The following FNDC1 variants were observed in gnomAD, a reference collection of about 807,000 sequenced individuals.
FNDC1 encodes fibronectin type III domain containing 1.
Under a neutral mutation model 168.0 loss-of-function variants are expected in FNDC1, and 96 were observed. The observed-to-expected ratio is 0.57, with a 90% CI of 0.48 to 0.68. The LOEUF (loss-of-function observed/expected upper bound fraction) is 0.68. Ranked by LOEUF, FNDC1 falls within the 30% of genes least tolerant of loss-of-function variation. The pLI, the probability that FNDC1 is intolerant of heterozygous loss-of-function variation, is 0.00. For missense variants in FNDC1, 2,587 were observed against 2,482.1 expected (o/e 1.04, Z -0.90); for synonymous variants, 1,099 against 1,025.9 (o/e 1.07, Z -1.36).
At chr6:159,205,482 A>T (rs776131529) in intron 4 of FNDC1, among the ~76,000 whole-genome samples, 2 of 152,130 alleles carry the variant, frequency 1.3e-5, no homozygotes, top group Non-Finnish European at 2.9e-5. Context: ...TAATCCACCA[A>T]ACCATAATCT....
chr6:159,238,444 C>A, intron 12 of FNDC1, 110 bp from the exon 13 acceptor site: 1 of 683,634 alleles, frequency 1.5e-6, no homozygotes, highest in Non-Finnish European at 2.4e-6. Flanking sequence ...CTTCTACTCA[C>A]ATTACGGTTT....
At chr6:159,188,475 T>G (rs1287898141) in intron 1 of FNDC1, among the ~76,000 whole-genome samples, 4 of 148,760 alleles carry the variant, frequency 2.7e-5, no homozygotes, top group African/African-American at 9.8e-5. Flanking sequence ...CCCGGGTTCA[T>G]GCCATTCTCC....
chr6:159,238,233 G>A (rs915744370), intron 12 of FNDC1, among the ~76,000 whole-genome samples: 2 of 151,894 alleles, frequency 1.3e-5, no homozygotes, highest in Non-Finnish European at 2.9e-5. Context: ...GAGTAGCTGG[G>A]ACTACAAGCG....
rs74915471 is a variant in FNDC1 at position 159,192,026 on chromosome 6, T to C, written c.110-5405T>C. On this transcript the variant is annotated intron_variant, in intron 1 of 22. Transcript: ENST00000297267. ...CTGGGACTACAGGTGCACGACACCA[T>C]GTCTAGCTAATTTTTTTGTATTGTT... Among the ~76,000 whole-genome samples the C allele has an allele frequency of 7.8e-3, 1,189 of 152,236 alleles. 14 individuals carry two copies. Among genetic ancestry groups the C allele is most frequent in the African/African-American group, 0.027 (1,124 of 41,512 alleles).
chr6:159,271,373 C>T lies in FNDC1; in HGVS notation c.5616C>T (p.Ile1872=), dbSNP rs3814448. The T allele has an allele frequency of 0.058, 93,113 of 1,611,850 alleles. 5,365 individuals carry two copies. The highest frequency in any genetic ancestry group is 0.32 in the East Asian group (14,392 of 44,740). The change falls in exon 23 of 23, where the codon ATC becomes ATT. Residue 1872 remains isoleucine (I), a synonymous_variant. Transcript: ENST00000297267. ...AGGAGCCTGTCAGGTTTGGGAACAT[C>T]GGCTTCGGAACCCCCTACTACTATG... ...YRQEPVRFGN[I]GFGTPYYYVG...
At chr6:159,267,769 A>G (rs1387731111) in intron 21 of FNDC1, 35 bp from the exon 22 acceptor site, 7 of 1,611,756 alleles carry the variant, frequency 4.3e-6, no homozygotes, top group Non-Finnish European at 5.9e-6. Flanking sequence ...GACTTTCTGT[A>G]CCTAGTCATG....
At chr6:159,240,720 T>C (rs1783399989) in intron 14 of FNDC1, 3 of 152,210 alleles carry the variant, frequency 2.0e-5, no homozygotes, top group Admixed American at 2.0e-4. Context: ...ATCCAGGTCA[T>C]CGTGGAGCCC....
intron 17 of FNDC1, among the ~76,000 whole-genome samples, chr6:159,252,378 GCTTGT>G (rs1245606217): frequency 6.6e-6 from 1 of 152,152 alleles, no homozygotes; most frequent in African/African-American, 2.4e-5. Context: ...AATTTCTAGT[GCTTGT>G]CTTGGTGTTC....
At chr6:159,215,188 G>A in intron 5 of FNDC1, 37 bp downstream of exon 5, 3 of 1,566,248 alleles carry the variant, frequency 1.9e-6, no homozygotes, top group Middle Eastern at 1.7e-4. Context: ...ATGTTTCCAT[G>A]GTCTTTGGGA....
Position 159,251,396 on chromosome 6 carries a change from C to G in FNDC1, c.4929C>G (p.Ile1643Met). The change falls in exon 17 of 23, where the codon ATC (isoleucine) becomes ATG (methionine). Residue 1643 changes from isoleucine (I) to methionine (M), a missense_variant. Transcript: ENST00000297267. ...TCCAAGTGGACAGCCTGGATGAAAT[C>G]ATCCCCAATGACCTGAAGAAGAGTG... ...DHFQVDSLDE[I>M]IPNDLKKSDL... is the part of the protein sequence containing the mutation. 6.2e-7 allele frequency: 1 copy of G among 1,613,966 alleles called. No homozygotes were observed. The highest frequency in any genetic ancestry group is 8.5e-7 in the Non-Finnish European group (1 of 1,179,876).
At chr6:159,269,510 C>A (rs60959959) in intron 22 of FNDC1, among the ~76,000 whole-genome samples, 1 of 125,000 alleles carries the variant, frequency 8.0e-6, no homozygotes, top group African/African-American at 3.2e-5. Flanking sequence ...ATCCATCCAT[C>A]CATGCATCCA....
chr6:159,262,105 T>A (rs1389174913), intron 19 of FNDC1, among the ~76,000 whole-genome samples: 2 of 152,150 alleles, frequency 1.3e-5, no homozygotes, highest in Non-Finnish European at 2.9e-5. Flanking sequence ...AGACCTTGTC[T>A]CTGAAAACAT....
In FNDC1 at chr6:159,226,501, C is replaced by G. The variant is rs185478935; in HGVS notation, c.1101C>G (p.Asn367Lys). ...CTACCACAGCTCCTGAAAACTTGAA[C>G]GTCTGGCCAGTCAATGGCAAACCTA... The part of the protein sequence containing the change: ...SAPTTAPENL[N>K]VWPVNGKPTV... Residue 367 changes from asparagine (N) to lysine (K), a missense_variant, in exon 9 of 23, where the codon AAC becomes AAG. Coordinates refer to ENST00000297267, the MANE Select transcript of FNDC1 (RefSeq NM_032532.3). 16 of 1,612,272 alleles carry G rather than the reference C, an allele frequency of 9.9e-6. No individual in the cohort carries two copies. Among genetic ancestry groups the G allele is most frequent in the Non-Finnish European group, 1.3e-5 (15 of 1,179,290 alleles).
rs368181034 is a variant in FNDC1, at chr6:159,232,677, C to T, written c.2165C>T (p.Pro722Leu). 3.1e-6 allele frequency: 5 copies of T among 1,613,884 alleles called. No individual in the cohort carries two copies. Among genetic ancestry groups the T allele is most frequent in the Non-Finnish European group, 4.2e-6 (5 of 1,179,850 alleles). The change falls in exon 11 of 23, where the codon CCC becomes CTC. Residue 722 changes from proline (P) to leucine (L), a missense_variant. Coordinates refer to ENST00000297267, the MANE Select transcript of FNDC1 (RefSeq NM_032532.3). This position sits in a 1 kb window ranked among gnomAD's most constrained non-coding sequence, Gnocchi z 4.9. Reference sequence around the variant, plus strand: ...GCCCCACCCTCAAGACTTTCTCCACCCCATGGGGGATCATCTCGGCTGCTG... The same window carrying T: ...GCCCCACCCTCAAGACTTTCTCCACTCCATGGGGGATCATCTCGGCTGCTG... ...ASAPPSRLSPPHGGSSRLLPT... is the reference protein window; with the variant it reads ...ASAPPSRLSPLHGGSSRLLPT...
chr6:159,210,748 C>T (rs145938419), intron 4 of FNDC1, among the ~76,000 whole-genome samples: 1 of 152,282 alleles, frequency 6.6e-6, no homozygotes, highest in Non-Finnish European at 1.5e-5. Context: ...TGGGCATGAG[C>T]TGGGGTCAGG....
intron 1 of FNDC1, among the ~76,000 whole-genome samples, chr6:159,183,364 C>T (rs1781923054): frequency 1.3e-5 from 2 of 152,174 alleles, no homozygotes; most frequent in Non-Finnish European, 2.9e-5. Context: ...TTCCATGATG[C>T]AACTTTTTTC....
Position 159,226,591 on chromosome 6 carries a change from C to G in FNDC1, c.1180+11C>G, listed in dbSNP as rs372999702. 6.3e-7 allele frequency: 1 copy of G among 1,580,346 alleles called. No individual in the cohort carries two copies. Among genetic ancestry groups the G allele is most frequent in the South Asian group, 1.2e-5 (1 of 86,900 alleles). On this transcript the variant is annotated intron_variant, in intron 9 of 22. Transcript: ENST00000297267. Reference sequence around the variant, plus strand: ...AGGGGAAAGTGAAAGGTAGGAATCTCACTCCCTAAACTGTAAGATGCATTG... The same window carrying G: ...AGGGGAAAGTGAAAGGTAGGAATCTGACTCCCTAAACTGTAAGATGCATTG...
rs78961139 is a variant in FNDC1, at chr6:159,246,848, G to A, written c.4622-53G>A. 2,629 of 1,313,642 alleles carry A rather than the reference G, an allele frequency of 2.0e-3. 47 individuals carry two copies. The African/African-American group carries it at 0.033, about 17-fold the overall frequency. 81.4% of individuals were successfully genotyped at this position (1,313,642 alleles called of 1,614,324 possible). A position where few individuals can be genotyped will look rare whatever the true frequency, so the allele number is the denominator to read the frequency against. ...CACGCTCTGGGGCCTGCTTCTGAGA[G>A]AACCCTGGAGAAGGAGCGCTGGATG... On this transcript the variant is annotated intron_variant, in intron 14 of 22. Transcript: ENST00000297267.
At chr6:159,207,907 C>G (rs1368261022) in intron 4 of FNDC1, among the ~76,000 whole-genome samples, 1 of 152,230 alleles carries the variant, frequency 6.6e-6, no homozygotes, top group Non-Finnish European at 1.5e-5. Context: ...ATATTTAACA[C>G]TCCTTCTCTT....
Sources: gnomAD v4.1 joint callset for allele counts (sites outside exome capture counted in the v4.1 genomes callset) on GRCh38, gnomAD v4.1.1 for gene constraint, Gnocchi (gnomAD v3.1) non-coding constraint, MANE v1.5 for transcripts, NCBI Gene and HGNC (gene_info 2026-07-23, HGNC 2026-07-21) for gene names.